The following OPCML variants were observed in gnomAD, a reference collection of about 807,000 sequenced individuals.
OPCML encodes opioid-binding protein/cell adhesion molecule.
In OPCML, 13 loss-of-function variants were observed where a neutral mutation model predicts 37.8. The observed-to-expected ratio is 0.34, with a 90% CI of 0.22 to 0.55. The LOEUF is 0.55. OPCML is among the 20% of genes least tolerant of loss of function. The pLI, the probability that OPCML is intolerant of heterozygous loss-of-function variation, is 0.91. For synonymous variants in OPCML, 176 were observed against 168.8 expected, an observed-to-expected ratio of 1.04 and a Z score of -0.33; for missense variants, 341 against 435.6, an observed-to-expected ratio of 0.78 and a Z score of 1.93.
Position 132,764,019 on chromosome 11 carries a change from T to C in OPCML, c.147-106700A>G, listed in dbSNP as rs1345154493. Among the ~76,000 whole-genome samples, 3 of 152,238 alleles carry C rather than the reference T, an allele frequency of 2.0e-5. No individual in the cohort carries two copies. The East Asian group carries it at 5.8e-4, about 29-fold the overall frequency. ...CTCCCTCTAGGCCTCAAAGGCATTA[T>C]GCCAGTCACCTTATGGAAATTTAAG... is the stretch of plus-strand genomic sequence containing the variant. On this transcript the variant is annotated intron_variant, in intron 2 of 7. Coordinates refer to ENST00000524381, the MANE Select transcript of OPCML (RefSeq NM_001012393.5).
chr11:133,026,066 C>G (rs553321358), intron 1 of OPCML: 1 of 985,252 alleles, frequency 1.0e-6, no homozygotes, highest in Non-Finnish European at 1.2e-6. Context: ...TATTGTTTCT[C>G]TCATCATGAC....
intron 2 of OPCML, among the ~76,000 whole-genome samples, chr11:132,691,041 G>A (rs1463279548): frequency 2.0e-5 from 3 of 152,130 alleles, no homozygotes; most frequent in Non-Finnish European, 4.4e-5. Context: ...GCACATAGAA[G>A]GTGGAAGATG....
At chr11:132,737,326 T>G (rs1021784396) in intron 2 of OPCML, among the ~76,000 whole-genome samples, 3 of 152,302 alleles carry the variant, frequency 2.0e-5, no homozygotes, top group African/African-American at 7.2e-5. Context: ...TCCCCAGAGT[T>G]TTTGTTGTTT....
chr11:133,411,662 CAT>C (rs1565620104), intron 1 of OPCML, among the ~76,000 whole-genome samples: 1 of 152,158 alleles, frequency 6.6e-6, no homozygotes, highest in Non-Finnish European at 1.5e-5. Context: ...TCACAACACA[CAT>C]GAGAGGAGGG....
chr11:133,448,202 G>GT (rs1223342524), intron 1 of OPCML, among the ~76,000 whole-genome samples: 2 of 152,022 alleles, frequency 1.3e-5, no homozygotes, highest in African/African-American at 2.4e-5. Flanking sequence ...ATTTCTAATT[G>GT]TTTTTTATGT....
intron 1 of OPCML, among the ~76,000 whole-genome samples, chr11:133,485,124 A>G (rs1032395728): frequency 1.3e-4 from 20 of 152,196 alleles, no homozygotes; most frequent in African/African-American, 4.3e-4. Flanking sequence ...AAAACAACAT[A>G]GTTATCTTTT....
At chr11:132,690,098 G>C (rs1002447144) in intron 2 of OPCML, among the ~76,000 whole-genome samples, 4 of 152,126 alleles carry the variant, frequency 2.6e-5, no homozygotes, top group African/African-American at 4.8e-5. Flanking sequence ...ACTTAGATCA[G>C]GTTCTTTGTC....
chr11:133,130,474 T>C (rs1455050583), intron 1 of OPCML, among the ~76,000 whole-genome samples: 1 of 152,118 alleles, frequency 6.6e-6, no homozygotes, highest in African/African-American at 2.4e-5. Context: ...ATGCACAAGA[T>C]CTATTTGAGA....
At position 132,795,090 on chromosome 11, in the gene OPCML, A is replaced by G. The variant is rs1938223082; in HGVS notation, c.147-137771T>C. Among the ~76,000 whole-genome samples, 3 of 152,122 alleles carry G rather than the reference A, an allele frequency of 2.0e-5. No individual in the cohort carries two copies. In the South Asian group the frequency reaches 6.2e-4, roughly 32 times the overall value. Reference sequence around the variant, plus strand: ...GCAAGAGCTTCATTGGTACCTATTCATATACGTATACACACACACACACAG... The same window carrying G: ...GCAAGAGCTTCATTGGTACCTATTCGTATACGTATACACACACACACACAG... On this transcript the variant is annotated intron_variant, in intron 2 of 7. Coordinates refer to ENST00000524381, the MANE Select transcript of OPCML (RefSeq NM_001012393.5).
At chr11:133,182,822 A>G (rs556148532) in intron 1 of OPCML, among the ~76,000 whole-genome samples, 1 of 152,294 alleles carries the variant, frequency 6.6e-6, no homozygotes, top group South Asian at 2.1e-4. Context: ...GGATGTGCAT[A>G]TATATGATGG....
intron 1 of OPCML, among the ~76,000 whole-genome samples, chr11:133,180,751 A>G (rs2136284825): frequency 6.6e-6 from 1 of 151,006 alleles, no homozygotes; most frequent in South Asian, 2.1e-4. Flanking sequence ...AGGCTGCTTT[A>G]CGGTACGCAT....
At chr11:133,071,858 C>A (rs528822287) in intron 1 of OPCML, among the ~76,000 whole-genome samples, 2 of 152,178 alleles carry the variant, frequency 1.3e-5, no homozygotes, top group African/African-American at 4.8e-5. Context: ...TTCCTAAAAT[C>A]CTGCAAATCC....
intron 1 of OPCML, among the ~76,000 whole-genome samples, chr11:133,326,719 G>A (rs1423218575): frequency 7.3e-6 from 1 of 137,312 alleles, no homozygotes; most frequent in Non-Finnish European, 1.6e-5. Flanking sequence ...GTGGGGTGTG[G>A]GTGTAGGGGG....
chr11:133,234,270 A>C lies in OPCML; in HGVS notation c.62-291260T>G, dbSNP rs377232341. Among the ~76,000 whole-genome samples the C allele has an allele frequency of 1.8e-3, 273 of 152,346 alleles. 1 individual carries two copies. Among genetic ancestry groups the C allele is most frequent in the Middle Eastern group, 0.01 (3 of 294 alleles). On this transcript the variant is annotated intron_variant, in intron 1 of 7. Transcript: ENST00000524381. Reference sequence around the variant, plus strand: ...ACCAAACAACAACAACAACAAAAAAAAAACACAGTTTTTACTTCTTTCCAT... The same window carrying C: ...ACCAAACAACAACAACAACAAAAAACAAACACAGTTTTTACTTCTTTCCAT...
intron 1 of OPCML, chr11:133,421,237 G>A: frequency 1.0e-6 from 1 of 985,410 alleles, no homozygotes; most frequent in Non-Finnish European, 1.2e-6. Context: ...TCAAAGCCCA[G>A]CTGCACAAAG....
chr11:132,697,246 T>C (rs559315735), intron 2 of OPCML, among the ~76,000 whole-genome samples: 1 of 152,220 alleles, frequency 6.6e-6, no homozygotes, highest in Non-Finnish European at 1.5e-5. Context: ...AATTAACATA[T>C]CCATCACCTC....
intron 1 of OPCML, among the ~76,000 whole-genome samples, chr11:133,357,369 A>T (rs925818964): frequency 6.6e-6 from 1 of 152,236 alleles, no homozygotes; most frequent in Non-Finnish European, 1.5e-5. Context: ...AATTAACAGA[A>T]TATGTGGAAC....
chr11:133,348,776 G>A (rs1038077766), intron 1 of OPCML, among the ~76,000 whole-genome samples: 8 of 152,132 alleles, frequency 5.3e-5, no homozygotes, highest in African/African-American at 1.9e-4. Flanking sequence ...AAACCATGTC[G>A]AGGTGAGGTA....
At chr11:132,696,207 C>T (rs1275689182) in intron 2 of OPCML, among the ~76,000 whole-genome samples, 1 of 152,202 alleles carries the variant, frequency 6.6e-6, no homozygotes, top group Non-Finnish European at 1.5e-5. Flanking sequence ...AAATGTGCCA[C>T]CTGCCCATAA....
Sources: gnomAD v4.1 joint callset for allele counts (sites outside exome capture counted in the v4.1 genomes callset) on GRCh38, gnomAD v4.1.1 for gene constraint, MANE v1.5 for transcripts, NCBI Gene and HGNC (gene_info 2026-07-23, HGNC 2026-07-21) for gene names.